Variants in GRM7 observed in about 807,000 individuals in gnomAD.
GRM7 encodes the protein glutamate metabotropic receptor 7.
In GRM7, 35 loss-of-function variants were observed where a neutral mutation model predicts 84.5. The observed-to-expected ratio is 0.41, with a 90% CI of 0.32 to 0.55. The LOEUF is 0.55. Among genes scored for constraint, GRM7 ranks in the 20% least tolerant of loss-of-function variants. The pLI, the probability that GRM7 is intolerant of heterozygous loss-of-function variation, is 0.19. For missense variants in GRM7, 1,003 were observed against 1,194.6 expected, an observed-to-expected ratio of 0.84 and a Z score of 2.36; for synonymous variants, 487 against 455.1, an observed-to-expected ratio of 1.07 and a Z score of -0.89.
At chr3:6,904,709 A>G (rs565019521) in intron 1 of GRM7, among the ~76,000 whole-genome samples, 15 of 150,568 alleles carry the variant, frequency 1.0e-4, no homozygotes, top group Middle Eastern at 3.4e-3. Flanking sequence ...AATCATCATG[A>G]CTTCCTTATG....
At chr3:7,131,489 T>G (rs1037849323) in intron 1 of GRM7, among the ~76,000 whole-genome samples, 2 of 152,156 alleles carry the variant, frequency 1.3e-5, no homozygotes, top group African/African-American at 4.8e-5. Context: ...TATTTTATTT[T>G]TTATTTTTGA....
chr3:7,153,082 T>C (rs1311005536), intron 2 of GRM7, among the ~76,000 whole-genome samples: 1 of 150,982 alleles, frequency 6.6e-6, no homozygotes. Flanking sequence ...ATCTCCAGCT[T>C]CCCTCTTTCA....
intron 9 of GRM7, among the ~76,000 whole-genome samples, chr3:7,707,213 A>G (rs1018966533): frequency 1.3e-5 from 2 of 152,178 alleles, no homozygotes; most frequent in African/African-American, 4.8e-5. Flanking sequence ...CAAAAATCCT[A>G]CTTCCTGTGA....
chr3:7,526,629 G>A (rs1239479410), intron 7 of GRM7, among the ~76,000 whole-genome samples: 1 of 151,970 alleles, frequency 6.6e-6, no homozygotes, highest in Non-Finnish European at 1.5e-5. Flanking sequence ...TATTTCCTAG[G>A]TTTTCTTGCA....
At chr3:7,229,720 C>CAT (rs1304811132) in intron 2 of GRM7, among the ~76,000 whole-genome samples, 10 of 14,242 alleles carry the variant, frequency 7.0e-4, no homozygotes, top group South Asian at 3.7e-3. Flanking sequence ...TCTCCATAGA[C>CAT]ACACACATAT....
chr3:6,897,212 G>C (rs545389925), intron 1 of GRM7, among the ~76,000 whole-genome samples: 1 of 152,182 alleles, frequency 6.6e-6, no homozygotes, highest in Non-Finnish European at 1.5e-5. Flanking sequence ...AGCTTCTTTA[G>C]TTATTGTGTA....
At chr3:7,681,589 T>TGTCAC (rs1700370672) in intron 9 of GRM7, 1 of 152,168 alleles carries the variant, frequency 6.6e-6, no homozygotes, top group Non-Finnish European at 1.5e-5. Flanking sequence ...AGGACAAGTC[T>TGTCAC]AAAGGAACAT....
chr3:7,170,773 A>C (rs1366517438), intron 2 of GRM7, among the ~76,000 whole-genome samples: 1 of 152,178 alleles, frequency 6.6e-6, no homozygotes, highest in African/African-American at 2.4e-5. Flanking sequence ...GATTAGGAGA[A>C]GATATGGGAA....
intron 4 of GRM7, among the ~76,000 whole-genome samples, chr3:7,379,658 G>C (rs898151504): frequency 6.6e-6 from 1 of 151,948 alleles, no homozygotes; most frequent in Non-Finnish European, 1.5e-5. Flanking sequence ...AATCTATAAA[G>C]AATGCAAGTA....
Position 7,060,752 on chromosome 3 carries a change from T to C in GRM7, c.520-85700T>C, listed in dbSNP as rs1212590444. The stretch of plus-strand genomic sequence containing the variant: ...TTTAACGCCTAGAAATGTTTCCTTG[T>C]GCCTATAAATGAAGAAACAGCCTTA... On this transcript the variant is annotated intron_variant, in intron 1 of 9. Transcript: ENST00000357716. 4.0e-5 allele frequency among the ~76,000 whole-genome samples: 6 copies of C among 151,774 alleles called. No homozygotes were observed. The Admixed American group carries it at 4.0e-4, about 10-fold the overall frequency.
At chr3:7,182,566 T>C (rs1695375521) in intron 2 of GRM7, among the ~76,000 whole-genome samples, 1 of 152,240 alleles carries the variant, frequency 6.6e-6, no homozygotes, top group African/African-American at 2.4e-5. Context: ...TACGCTTAGC[T>C]CTTGTTAAAC....
intron 8 of GRM7, among the ~76,000 whole-genome samples, chr3:7,651,560 A>T (rs560283532): frequency 6.6e-6 from 1 of 152,324 alleles, no homozygotes; most frequent in African/African-American, 2.4e-5. Flanking sequence ...AGCTATTTAC[A>T]TACATCTCAT....
chr3:7,498,698 C>T (rs1344223690), intron 7 of GRM7, among the ~76,000 whole-genome samples: 1 of 152,214 alleles, frequency 6.6e-6, no homozygotes, highest in Admixed American at 6.5e-5. Flanking sequence ...GAAACTGTAT[C>T]TCTAGAAGGC....
intron 2 of GRM7, among the ~76,000 whole-genome samples, chr3:7,178,635 A>G (rs1695234202): frequency 2.0e-5 from 3 of 152,254 alleles, no homozygotes; most frequent in Middle Eastern, 3.4e-3. Context: ...AATCTTGAAA[A>G]CTGTAGGAAA....
intron 1 of GRM7, among the ~76,000 whole-genome samples, chr3:6,951,253 A>G (rs1692748583): frequency 6.6e-6 from 1 of 151,976 alleles, no homozygotes; most frequent in Non-Finnish European, 1.5e-5. Context: ...TGCCTGAATT[A>G]TTTTCCTCCT....
At chr3:7,351,387 A>AC (rs1218174764) in intron 4 of GRM7, among the ~76,000 whole-genome samples, 2 of 149,564 alleles carry the variant, frequency 1.3e-5, no homozygotes, top group African/African-American at 4.9e-5. Context: ...AACTGACCCA[A>AC]CCCTCCTTCA....
At chr3:6,865,954 A>C (rs1694924967) in intron 1 of GRM7, among the ~76,000 whole-genome samples, 1 of 152,150 alleles carries the variant, frequency 6.6e-6, no homozygotes, top group Non-Finnish European at 1.5e-5. Context: ...GTTTTAGGAA[A>C]TTTACCTAAC....
At chr3:7,665,338 A>T (rs537901170) in intron 8 of GRM7, among the ~76,000 whole-genome samples, 32 of 148,210 alleles carry the variant, frequency 2.2e-4, no homozygotes, top group African/African-American at 7.4e-4. Context: ...CACCCGGCTA[A>T]TTTTTTTTTT....
At chr3:6,924,506 G>C (rs1171600832) in intron 1 of GRM7, among the ~76,000 whole-genome samples, 2 of 152,048 alleles carry the variant, frequency 1.3e-5, no homozygotes, top group Non-Finnish European at 1.5e-5. Flanking sequence ...CAAGACATTG[G>C]TATATTTTAA....
Sources: allele counts gnomAD v4.1 joint callset (sites outside exome capture counted in the v4.1 genomes callset), GRCh38; gene constraint gnomAD v4.1.1; transcripts MANE v1.5; gene names NCBI Gene and HGNC (gene_info 2026-07-23, HGNC 2026-07-21).